N4BP2: variants seen among roughly 807,000 people sequenced by gnomAD.
N4BP2 encodes NEDD4-binding protein 2.
A neutral mutation model predicts 152.8 loss-of-function variants in N4BP2; 91 were observed. That is an observed-to-expected ratio of 0.60 (90% CI 0.50 to 0.71). The LOEUF (loss-of-function observed/expected upper bound fraction) is 0.71, where lower values mean the gene tolerates loss of function less well. Ranked by LOEUF, N4BP2 falls within the 30% of genes least tolerant of loss-of-function variation. The probability of loss-of-function intolerance (pLI) is 0.00; values close to 1 mark genes in which losing one functional copy is unlikely to be tolerated. For synonymous variants in N4BP2, 646 were observed against 705.3 expected (o/e 0.92, Z 1.33); for missense variants, 1,923 against 2,059.1 (o/e 0.93, Z 1.28).
In N4BP2 at chr4:40,088,946, GTTTT is replaced by G. The variant is rs535281235; in HGVS notation, c.-114-8276_-114-8273del. ...TCCAATTGTTTGGTTTTTATTTTTT[GTTTT>G]TTTTGTGTGTGTTTTTTTGAAACAG... On this transcript the variant is annotated intron_variant, in intron 2 of 17. Transcript: ENST00000261435. 4.2e-4 allele frequency among the ~76,000 whole-genome samples: 63 copies of G among 151,046 alleles called. 1 individual carries two copies. In the South Asian group the frequency reaches 0.013, roughly 31 times the overall value.
In N4BP2 at chr4:40,092,399, A is replaced by G. The variant is rs552551541; in HGVS notation, c.-114-4828A>G. Among the ~76,000 whole-genome samples, 10 of 151,680 alleles carry G rather than the reference A, an allele frequency of 6.6e-5. No individual in the cohort carries two copies. The South Asian group carries it at 2.1e-3, about 32-fold the overall frequency. ...TTTGTGGTTTTTGAGACATTGGTCC[A>G]TTTCATATAAATTGTCAAACTTTTG... On this transcript the variant is annotated intron_variant, in intron 2 of 17. Transcript: ENST00000261435.
chr4:40,132,091 C>A (rs564288229), intron 13 of N4BP2, among the ~76,000 whole-genome samples, 172 bp downstream of exon 13: 84 of 152,036 alleles, frequency 5.5e-4, no homozygotes, highest in African/African-American at 2.0e-3. Context: ...ATAGCTAAAC[C>A]CTCTATATAC....
intron 13 of N4BP2, among the ~76,000 whole-genome samples, chr4:40,136,667 C>T (rs1272544191): frequency 1.3e-5 from 2 of 152,180 alleles, no homozygotes; most frequent in Non-Finnish European, 2.9e-5. Flanking sequence ...GGATTACAGG[C>T]GTGAGCTACT....
At position 40,112,807 on chromosome 4, in the gene N4BP2, G is replaced by A. The variant is rs146416125; in HGVS notation, c.1588-625G>A. 3.3e-3 allele frequency among the ~76,000 whole-genome samples: 497 copies of A among 151,898 alleles called. 1 individual carries two copies. The highest frequency in any genetic ancestry group is 0.011 in the African/African-American group (455 of 41,400). On this transcript the variant is annotated intron_variant, in intron 6 of 17. Transcript: ENST00000261435. ...CAACCTCTGCCTCCTGGGTTCAATC[G>A]ATTCTCCTGCCTCAGAAACTGAGAA...
At chr4:40,160,644 C>T (rs973388809), downstream of N4BP2, among the ~76,000 whole-genome samples, 4 of 152,206 alleles carry the variant, frequency 2.6e-5, no homozygotes, top group African/African-American at 9.7e-5. Context: ...AGTTGAGGAA[C>T]ATCTTTATTT....
At chr4:40,087,502 T>A (rs1714093742) in intron 2 of N4BP2, among the ~76,000 whole-genome samples, 1 of 152,136 alleles carries the variant, frequency 6.6e-6, no homozygotes, top group African/African-American at 2.4e-5. Context: ...TAGCTGAGAT[T>A]ACAGGCATGT....
At chr4:40,104,390 C>G (rs1413847834) in intron 4 of N4BP2, among the ~76,000 whole-genome samples, 1 of 143,406 alleles carries the variant, frequency 7.0e-6, no homozygotes, top group Non-Finnish European at 1.5e-5. Context: ...GGAGAATGTC[C>G]TTCATAAACT....
rs1398867951 is a variant in N4BP2 at position 40,155,926 on chromosome 4, T to C, written c.*1689T>C. The C allele has an allele frequency of 5.9e-5, 9 of 152,196 alleles. No homozygotes were observed. The highest frequency in any genetic ancestry group is 5.9e-4 in the Admixed American group (9 of 15,278). The allele number at this position is 152,196 out of a possible 1,614,324, so 9.4% of individuals were successfully genotyped here. A position where few individuals can be genotyped will look rare whatever the true frequency, so the allele number is the denominator to read the frequency against. Reference sequence around the variant, plus strand: ...ATACATGTTTATTATTTAGAAATGGTTAGTGACTGGTATTGAAGTATTATT... The same window carrying C: ...ATACATGTTTATTATTTAGAAATGGCTAGTGACTGGTATTGAAGTATTATT... On this transcript the variant is annotated 3_prime_UTR_variant, in exon 18 of 18. Transcript: ENST00000261435.
the N4BP2 span, among the ~76,000 whole-genome samples, chr4:40,184,794 GA>G: frequency 4.3e-4 from 66 of 151,952 alleles, no homozygotes; most frequent in African/African-American, 1.6e-3. Context: ...CATCTCTACT[GA>G]AAACACAAAA....
chr4:40,139,828 C>CTTT (rs1209677713), intron 14 of N4BP2, among the ~76,000 whole-genome samples: 4 of 97,838 alleles, frequency 4.1e-5, no homozygotes, highest in Non-Finnish European at 6.4e-5. Flanking sequence ...ATTTTTTTTT[C>CTTT]TTTTTTTTTT....
intron 1 of N4BP2, among the ~76,000 whole-genome samples, chr4:40,068,110 A>G (rs1711741582): frequency 6.6e-6 from 1 of 152,154 alleles, no homozygotes; most frequent in African/African-American, 2.4e-5. Flanking sequence ...GGCCATGTGT[A>G]TATCTTCTTT....
At position 40,121,676 on chromosome 4, in the gene N4BP2, G is replaced by C; in HGVS notation, c.3565G>C (p.Asp1189His). The change falls in exon 9 of 18, where the codon GAC becomes CAC. Residue 1189 changes from aspartate (D) to histidine (H), a missense_variant. Physicochemically the swap from Asp to His is moderately conservative, Grantham distance 81 (BLOSUM62 -1). Coordinates refer to ENST00000261435, the MANE Select transcript of N4BP2 (RefSeq NM_018177.6). Reference protein sequence around the residue: ...FSHGIGISNADSQSTCDAERG... With the variant: ...FSHGIGISNAHSQSTCDAERG... ...CCATGGGATTGGTATTAGTAACGCT[G>C]ACTCACAGTCTACTTGTGATGCAGA... 6.2e-7 allele frequency: 1 copy of C among 1,614,094 alleles called. No homozygotes were observed. The highest frequency in any genetic ancestry group is 8.5e-7 in the Non-Finnish European group (1 of 1,180,018).
the N4BP2 span, among the ~76,000 whole-genome samples, chr4:40,179,134 C>T: frequency 7.9e-5 from 12 of 152,128 alleles, no homozygotes; most frequent in South Asian, 4.1e-4. Flanking sequence ...TTTGGGAGGC[C>T]GAGGCGGGCA....
rs1716336408 is a variant in N4BP2, at chr4:40,106,749, A to T, written c.1374-151A>T. ...TGTTTAGTAGAGATGGGATTTCACC[A>T]TGTTGGCCAGGCTGGCCTTGAACTC... On this transcript the variant is annotated intron_variant, in intron 4 of 17. Transcript: ENST00000261435. 6.3e-6 allele frequency: 4 copies of T among 631,480 alleles called. No individual in the cohort carries two copies. In the South Asian group the frequency reaches 8.2e-5, roughly 13 times the overall value. The allele number at this position is 631,480 out of a possible 1,614,324, so 39.1% of individuals were successfully genotyped here.
At chr4:40,189,578 C>T in the N4BP2 span, among the ~76,000 whole-genome samples, 5 of 152,076 alleles carry the variant, frequency 3.3e-5, no homozygotes, top group South Asian at 2.1e-4. The surrounding 1 kb of genome is among the most constrained non-coding windows in gnomAD (Gnocchi z 4.3). Flanking sequence ...TACGGATTTA[C>T]GCCGATGATA....
At position 40,126,144 on chromosome 4, in the gene N4BP2, G is replaced by T. The variant is rs760748420; in HGVS notation, c.4341G>T (p.Leu1447Phe). 5.1e-6 allele frequency: 8 copies of T among 1,582,460 alleles called. No individual in the cohort carries two copies. The South Asian group carries it at 9.4e-5, about 19-fold the overall frequency. Residue 1447 changes from leucine (L) to phenylalanine (F), a missense_variant, in exon 12 of 18, where the codon TTG becomes TTT. Physicochemically the swap from Leu to Phe is conservative, Grantham distance 22 (BLOSUM62 0). Transcript: ENST00000261435. ...TATACTACTTTGTAGATCCTTCCTT[G>T]GTTGGACATACTGGGCTTGATAATC... ...SCGKFMQDPS[L>F]VGHTGLDNPE...
chr4:40,090,843 G>T (rs1428693776), intron 2 of N4BP2, among the ~76,000 whole-genome samples: 1 of 148,608 alleles, frequency 6.7e-6, no homozygotes, highest in East Asian at 2.1e-4. Context: ...TGAGGCAGGA[G>T]AATTGCTTGA....
intron 2 of N4BP2, among the ~76,000 whole-genome samples, chr4:40,082,003 T>A (rs1480262678): frequency 6.6e-6 from 1 of 152,050 alleles, no homozygotes; most frequent in Non-Finnish European, 1.5e-5. Context: ...TCCCAGCTAT[T>A]CGGGAGGCTG....
chr4:40,082,034 T>C (rs1452697829), intron 2 of N4BP2, among the ~76,000 whole-genome samples: 2 of 151,960 alleles, frequency 1.3e-5, no homozygotes, highest in East Asian at 3.9e-4. Context: ...CTCGCTTGAA[T>C]CTGGGAGGCA....
Sources: gnomAD v4.1 joint callset for allele counts (sites outside exome capture counted in the v4.1 genomes callset) on GRCh38, gnomAD v4.1.1 for gene constraint, Gnocchi (gnomAD v3.1) non-coding constraint, MANE v1.5 for transcripts, NCBI Gene and HGNC (gene_info 2026-07-23, HGNC 2026-07-21) for gene names.